ZNF516: variants seen among roughly 807,000 people sequenced by gnomAD.
The protein encoded by ZNF516 is zinc finger protein 516.
In ZNF516, 19 loss-of-function variants were observed where a neutral mutation model predicts 79.7. That is an observed-to-expected ratio of 0.24 (90% CI 0.17 to 0.35). ZNF516 has a LOEUF of 0.35. Ranked by LOEUF, ZNF516 falls within the 10% of genes least tolerant of loss-of-function variation. The pLI is 1.00. For missense variants in ZNF516, 1,678 were observed against 1,679.5 expected (o/e 1.00, Z 0.02); for synonymous variants, 877 against 739.5 (o/e 1.19, Z -3.02).
chr18:76,455,599 T>C (rs1157215147), intron 2 of ZNF516, among the ~76,000 whole-genome samples: 4 of 152,214 alleles, frequency 2.6e-5, no homozygotes, highest in African/African-American at 9.7e-5. Context: ...CAGCCCAGGC[T>C]TGTGTTTCCA....
intron 3 of ZNF516, among the ~76,000 whole-genome samples, chr18:76,399,955 C>T (rs1179528966): frequency 6.6e-6 from 1 of 152,082 alleles, no homozygotes; most frequent in Non-Finnish European, 1.5e-5. Context: ...GTTTGGTCTC[C>T]CAGTGGGGTG....
At chr18:76,482,455 C>T (rs901388032) in intron 1 of ZNF516, among the ~76,000 whole-genome samples, 1 of 152,178 alleles carries the variant, frequency 6.6e-6, no homozygotes, top group Non-Finnish European at 1.5e-5. Context: ...GGCCCGGCAG[C>T]GGCAGCCCCG....
chr18:76,488,191 C>T (rs1484698283), intron 1 of ZNF516: 4 of 985,400 alleles, frequency 4.1e-6, no homozygotes, highest in South Asian at 4.7e-5. Context: ...AAAAATGCAA[C>T]TCTAAATGAG....
rs1357639182 is a variant in ZNF516, at chr18:76,421,707, G to C, written c.1810+19538C>G. The stretch of plus-strand genomic sequence containing the variant: ...ATAAACCTCATGTTTCACTATTACA[G>C]AGGGCACTACTTTACACTAAGTATC... On this transcript the variant is annotated intron_variant, in intron 3 of 6. Coordinates refer to ENST00000443185, the MANE Select transcript of ZNF516 (RefSeq NM_014643.4). 2.6e-5 allele frequency among the ~76,000 whole-genome samples: 4 copies of C among 152,216 alleles called. No homozygotes were observed. In the East Asian group the frequency reaches 5.8e-4, roughly 22 times the overall value.
rs766405735 is a variant in ZNF516, at chr18:76,441,708, G to T, written c.1347C>A (p.Phe449Leu). 17 of 1,571,432 alleles carry T rather than the reference G, an allele frequency of 1.1e-5. No homozygotes were observed. The highest frequency in any genetic ancestry group is 1.5e-5 in the Non-Finnish European group (17 of 1,162,266). The change falls in exon 3 of 7, where the codon TTC (phenylalanine) becomes TTA (leucine). Residue 449 changes from phenylalanine (F) to leucine (L), a missense_variant. Physicochemically the swap from Phe to Leu is conservative, Grantham distance 22. Around this residue, in one of 5 missense-constraint regions of ZNF516, gnomAD observed 1,294 missense variants for 1,248.3 expected, o/e 1.04. Transcript: ENST00000443185. ...WDEALAGDVA[F>L]DKDRREYVLV... ...GGACGTACTCGCGCCTGTCCTTGTC[G>T]AAGGCCACGTCCCCGGCCAGCGCCT...
In ZNF516 at chr18:76,459,452, C is replaced by G. The variant is rs1486741408; in HGVS notation, c.-158+3576G>C. 1.3e-5 allele frequency among the ~76,000 whole-genome samples: 2 copies of G among 152,236 alleles called. No homozygotes were observed. The highest frequency in any genetic ancestry group is 4.8e-5 in the African/African-American group (2 of 41,464). ...GCCCTCCACTGCCGGCCAGGGAGGCCTCGCGTGCCAAGCTGGCCCTGAGCT... is the reference window on the plus strand; with the variant it reads ...GCCCTCCACTGCCGGCCAGGGAGGCGTCGCGTGCCAAGCTGGCCCTGAGCT... On this transcript the variant is annotated intron_variant, in intron 2 of 6. Coordinates refer to ENST00000443185, the MANE Select transcript of ZNF516 (RefSeq NM_014643.4). This position sits in a 1 kb window ranked among gnomAD's most constrained non-coding sequence, Gnocchi z 5.0.
intron 3 of ZNF516, among the ~76,000 whole-genome samples, chr18:76,391,219 G>A (rs975454798): frequency 6.6e-6 from 1 of 152,178 alleles, no homozygotes; most frequent in Non-Finnish European, 1.5e-5. Flanking sequence ...AAGTGTGAGC[G>A]TAAGGGCTCT....
intron 3 of ZNF516, among the ~76,000 whole-genome samples, chr18:76,395,593 C>T (rs1486567688): frequency 2.0e-5 from 3 of 152,106 alleles, no homozygotes; most frequent in African/African-American, 7.2e-5. Context: ...CAGCACAGAG[C>T]ACAGCTCTTA....
chr18:76,438,225 T>C (rs909140017), intron 3 of ZNF516, among the ~76,000 whole-genome samples: 1 of 152,264 alleles, frequency 6.6e-6, no homozygotes, highest in Non-Finnish European at 1.5e-5. Context: ...ATGCTTCTGT[T>C]ATTCCTAAGT....
chr18:76,451,595 G>A lies in ZNF516; in HGVS notation c.-157-8384C>T, dbSNP rs537851918. Among the ~76,000 whole-genome samples, 14 of 152,328 alleles carry A rather than the reference G, an allele frequency of 9.2e-5. No homozygotes were observed. Among genetic ancestry groups the A allele is most frequent in the African/African-American group, 2.9e-4 (12 of 41,566 alleles). On this transcript the variant is annotated intron_variant, in intron 2 of 6. Transcript: ENST00000443185. The surrounding 1 kb of genome is among the most constrained non-coding windows in gnomAD (Gnocchi z 6.0). Reference sequence around the variant, plus strand: ...TTTCTGAAGGACGACTCTCAGACACGGTTGGTCCCGGCCACAGCTACTACG... The same window carrying A: ...TTTCTGAAGGACGACTCTCAGACACAGTTGGTCCCGGCCACAGCTACTACG...
intron 3 of ZNF516, among the ~76,000 whole-genome samples, chr18:76,433,561 G>A (rs959331519): frequency 6.6e-6 from 1 of 152,214 alleles, no homozygotes; most frequent in African/African-American, 2.4e-5. Context: ...GCCTTGTGGA[G>A]GAGACATGGG....
chr18:76,449,631 C>T (rs933632727), intron 2 of ZNF516, among the ~76,000 whole-genome samples: 10 of 152,186 alleles, frequency 6.6e-5, no homozygotes, highest in African/African-American at 2.4e-4. Flanking sequence ...TTTTATCATA[C>T]TCCAGTAAAA....
At chr18:76,425,939 G>A (rs1181820208) in intron 3 of ZNF516, among the ~76,000 whole-genome samples, 3 of 152,198 alleles carry the variant, frequency 2.0e-5, no homozygotes, top group African/African-American at 7.2e-5. Context: ...ACCCCCCAGC[G>A]CTGCTCTTCG....
At position 76,442,461 on chromosome 18, in the gene ZNF516, C is replaced by T. The variant is rs375719081; in HGVS notation, c.594G>A (p.Lys198=). ...DLELHVHQAH[K]PFKCRLCSYA... ...AGCTGCACAGCCTGCACTTGAACGG[C>T]TTGTGCGCCTGGTGCACGTGCAGCT... The change falls in exon 3 of 7, where the codon AAG becomes AAA. Residue 198 remains lysine, a synonymous_variant. Coordinates refer to ENST00000443185, the MANE Select transcript of ZNF516 (RefSeq NM_014643.4). The T allele has an allele frequency of 1.2e-6, 2 of 1,605,402 alleles. No individual in the cohort carries two copies. The highest frequency in any genetic ancestry group is 1.7e-6 in the Non-Finnish European group (2 of 1,179,672).
intron 3 of ZNF516, among the ~76,000 whole-genome samples, chr18:76,404,669 G>A (rs545432126): frequency 9.2e-5 from 14 of 152,296 alleles, no homozygotes; most frequent in Admixed American, 1.3e-4. Context: ...ATGGGTGAGC[G>A]TGAGTTTGTG....
intron 1 of ZNF516, among the ~76,000 whole-genome samples, chr18:76,479,331 T>C (rs1242482085): frequency 6.6e-6 from 1 of 152,154 alleles, no homozygotes; most frequent in Admixed American, 6.5e-5. Context: ...ACAACAGAAA[T>C]TGTTCGGGAA....
chr18:76,379,752 T>C lies in ZNF516; in HGVS notation c.2362A>G (p.Asn788Asp), dbSNP rs757633938. The C allele has an allele frequency of 6.2e-7, 1 of 1,613,970 alleles. No individual in the cohort carries two copies. Among genetic ancestry groups the C allele is most frequent in the Non-Finnish European group, 8.5e-7 (1 of 1,179,898 alleles). Residue 788 changes from asparagine (N) to aspartate (D), a missense_variant, in exon 4 of 7, where the codon AAC (asparagine) becomes GAC (aspartate). By Grantham distance (23) the Asn-to-Asp change is conservative. This residue lies in a region of ZNF516 where 1,294 missense variants were observed against 1,248.3 expected (regional missense o/e 1.04). Coordinates refer to ENST00000443185, the MANE Select transcript of ZNF516 (RefSeq NM_014643.4). The part of the protein sequence containing the change: ...HKRIWHRVSC[N>D]SVAPPWIQPN... ...TGAATCCACGGGGGAGCCACGGAGT[T>C]GCAGCTGACGCGGTGCCAGATGCGT... is the stretch of plus-strand genomic sequence containing the variant.
chr18:76,366,404 CTA>C (rs1277154529), intron 6 of ZNF516, among the ~76,000 whole-genome samples: 1 of 152,228 alleles, frequency 6.6e-6, no homozygotes, highest in African/African-American at 2.4e-5. Flanking sequence ...AATGAGGTAA[CTA>C]TGCCTATCTT....
chr18:76,490,602 A>G (rs140298439), intron 1 of ZNF516: 3 of 243,982 alleles, frequency 1.2e-5, no homozygotes, highest in Non-Finnish European at 2.0e-5. Flanking sequence ...CCACCGTTGC[A>G]TCTACTCGGG....
Sources: allele counts gnomAD v4.1 joint callset (sites outside exome capture counted in the v4.1 genomes callset), GRCh38; gene constraint gnomAD v4.1.1; regional missense constraint gnomAD v4.1.1; non-coding constraint Gnocchi (gnomAD v3.1); transcripts MANE v1.5; gene names NCBI Gene and HGNC (gene_info 2026-07-23, HGNC 2026-07-21).